TRHDE: variants seen among roughly 807,000 people sequenced by gnomAD.
TRHDE encodes thyrotropin-releasing hormone-degrading ectoenzyme.
In TRHDE, 72 loss-of-function variants were observed where a neutral mutation model predicts 125.7. That is an observed-to-expected ratio of 0.57 (90% confidence interval 0.47 to 0.70). The LOEUF is 0.70. Ranked by LOEUF, TRHDE falls within the 30% of genes least tolerant of loss-of-function variation. TRHDE has a pLI of 0.00. For missense variants in TRHDE, 1,110 were observed against 1,327.1 expected (o/e 0.84, Z 2.54); for synonymous variants, 509 against 509.1 (o/e 1.00, Z 0.00).
chr12:72,609,821 G>T (rs1335729472), intron 12 of TRHDE, among the ~76,000 whole-genome samples: 2 of 152,114 alleles, frequency 1.3e-5, no homozygotes, highest in African/African-American at 4.8e-5. Flanking sequence ...ACTGATTTAT[G>T]GACCTTTAGG....
chr12:72,588,023 A>G (rs954939584), intron 12 of TRHDE, among the ~76,000 whole-genome samples: 4 of 152,166 alleles, frequency 2.6e-5, no homozygotes, highest in South Asian at 2.1e-4. Flanking sequence ...TAAATGAACT[A>G]TATGTTCCCC....
At chr12:72,621,458 C>G in intron 14 of TRHDE, 186 bp from the exon 15 acceptor site, 2 of 591,586 alleles carry the variant, frequency 3.4e-6, no homozygotes, top group Non-Finnish European at 5.9e-6. Flanking sequence ...ACCCATGCCT[C>G]TCACTGGAGT....
chr12:72,515,592 T>C (rs1017367147), intron 6 of TRHDE, among the ~76,000 whole-genome samples: 29 of 152,220 alleles, frequency 1.9e-4, no homozygotes, highest in African/African-American at 7.0e-4. Flanking sequence ...TTGTAGGTTG[T>C]CTGTTCACTC....
At chr12:72,539,643 A>C (rs1869045389) in intron 6 of TRHDE, among the ~76,000 whole-genome samples, 1 of 151,920 alleles carries the variant, frequency 6.6e-6, no homozygotes, top group East Asian at 1.9e-4. Flanking sequence ...AAGAAAATTT[A>C]GGTGGGAACT....
chr12:72,475,558 T>C (rs1318019290), intron 5 of TRHDE, among the ~76,000 whole-genome samples: 1 of 152,212 alleles, frequency 6.6e-6, no homozygotes, highest in Non-Finnish European at 1.5e-5. Flanking sequence ...TGAATGACTT[T>C]TCATATTTCT....
At chr12:72,228,400 G>T (rs2948460) in intron 2 of TRHDE, among the ~76,000 whole-genome samples, 42,933 of 152,006 alleles carry the variant, frequency 0.28, 6,504 homozygotes, top group African/African-American at 0.36. Flanking sequence ...TAGCCATGGC[G>T]TGAATGCAGG....
intron 2 of TRHDE, among the ~76,000 whole-genome samples, chr12:72,125,171 T>A (rs1201413655): frequency 1.3e-5 from 2 of 151,994 alleles, no homozygotes; most frequent in African/African-American, 4.8e-5. Flanking sequence ...TAAGATTACT[T>A]TATCATCATA....
At chr12:72,331,932 A>G (rs1869616991) in intron 2 of TRHDE, among the ~76,000 whole-genome samples, 1 of 152,202 alleles carries the variant, frequency 6.6e-6, no homozygotes, top group Non-Finnish European at 1.5e-5. Context: ...TTGAGTTGCT[A>G]TAAAGACATA....
intron 2 of TRHDE, among the ~76,000 whole-genome samples, chr12:72,249,393 A>G (rs1878636127): frequency 6.6e-6 from 1 of 152,192 alleles, no homozygotes; most frequent in African/African-American, 2.4e-5. Flanking sequence ...ACTTCACAAA[A>G]GAAAATATAT....
chr12:72,108,072 C>A (rs2139293280), intron 2 of TRHDE, among the ~76,000 whole-genome samples: 1 of 152,106 alleles, frequency 6.6e-6, no homozygotes, highest in Admixed American at 6.6e-5. Flanking sequence ...CTAGGGACAG[C>A]CAGGAGAAGG....
At position 72,454,818 on chromosome 12, in the gene TRHDE, A is replaced by G. The variant is rs533226576; in HGVS notation, c.1316-14940A>G. 4.7e-3 allele frequency among the ~76,000 whole-genome samples: 721 copies of G among 152,264 alleles called. 4 individuals carry two copies. The highest frequency in any genetic ancestry group is 8.1e-3 in the Non-Finnish European group (550 of 68,006). ...TGATGCCAGTGCTGTTGATTCATGA[A>G]CCACACCTTGGAGTAACAAGGCTAG... On this transcript the variant is annotated intron_variant, in intron 3 of 18. Coordinates refer to ENST00000261180, the MANE Select transcript of TRHDE (RefSeq NM_013381.3).
intron 1 of TRHDE, among the ~76,000 whole-genome samples, chr12:72,285,960 G>T (rs1236842682): frequency 6.6e-6 from 1 of 152,176 alleles, no homozygotes; most frequent in Non-Finnish European, 1.5e-5. Flanking sequence ...CTCCAAGAAA[G>T]GTTGAAGATG....
rs1876634604 is a variant in TRHDE at position 72,161,426 on chromosome 12, C to T, written n.279+55674C>T. Among the ~76,000 whole-genome samples, 3 of 140,992 alleles carry T rather than the reference C, an allele frequency of 2.1e-5. 1 individual carries two copies. Among genetic ancestry groups the T allele is most frequent in the South Asian group, 4.6e-4 (2 of 4,370 alleles). 92.5% of individuals were successfully genotyped at this position (140,992 alleles called of 152,430 possible). The stretch of plus-strand genomic sequence containing the variant: ...CCAGCCTGGCGACAGAGCGAGACTC[C>T]GTCTCAAAAAAAAAAAAAAAAAAAT... On this transcript the variant is annotated intron_variant and non_coding_transcript_variant, in intron 2 of 4. Coordinates refer to the TRHDE transcript ENST00000548156.
At position 72,272,910 on chromosome 12, in the gene TRHDE, C is replaced by T; in HGVS notation, c.267C>T (p.Phe89=). 4 of 1,578,842 alleles carry T rather than the reference C, an allele frequency of 2.5e-6. No individual in the cohort carries two copies. Among genetic ancestry groups the T allele is most frequent in the Non-Finnish European group, 3.4e-6 (4 of 1,170,534 alleles). ...IAVHKRLVLA[F]AVSLVALLAV... ...TACACAAGCGGCTTGTGCTGGCCTT[C>T]GCTGTGTCCCTCGTGGCATTGCTCG... The change falls in exon 1 of 19, where the codon TTC becomes TTT. Residue 89 remains phenylalanine, a synonymous_variant. Coordinates refer to ENST00000261180, the MANE Select transcript of TRHDE (RefSeq NM_013381.3). This position sits in a 1 kb window ranked among gnomAD's most constrained non-coding sequence, Gnocchi z 6.7.
chr12:72,258,973 CA>C (rs1028468181), intron 2 of TRHDE, among the ~76,000 whole-genome samples: 4 of 152,164 alleles, frequency 2.6e-5, no homozygotes, highest in Non-Finnish European at 4.4e-5. Flanking sequence ...ATCACTTCAT[CA>C]GATAGTGTCT....
chr12:72,377,457 G>A (rs2135774469), intron 2 of TRHDE, among the ~76,000 whole-genome samples: 1 of 152,126 alleles, frequency 6.6e-6, no homozygotes, highest in African/African-American at 2.4e-5. Context: ...GTGATTGCTT[G>A]TGTACATGAA....
intron 3 of TRHDE, among the ~76,000 whole-genome samples, chr12:72,398,483 T>G (rs1390446596): frequency 6.6e-6 from 1 of 152,176 alleles, no homozygotes; most frequent in Non-Finnish European, 1.5e-5. Flanking sequence ...CAGTGTCTAT[T>G]TATTCAATTG....
intron 3 of TRHDE, among the ~76,000 whole-genome samples, chr12:72,412,595 A>G (rs1002182211): frequency 6.6e-6 from 1 of 152,078 alleles, no homozygotes; most frequent in Non-Finnish European, 1.5e-5. Flanking sequence ...GTACCTCTTC[A>G]AGGTATGTGG....
chr12:72,172,151 A>G (rs979436875), intron 2 of TRHDE, among the ~76,000 whole-genome samples: 1 of 152,192 alleles, frequency 6.6e-6, no homozygotes, highest in African/African-American at 2.4e-5. Context: ...TCTCTTATAC[A>G]TAGAAAGCTA....
Sources: gnomAD v4.1 joint callset for allele counts (sites outside exome capture counted in the v4.1 genomes callset) on GRCh38, gnomAD v4.1.1 for gene constraint, Gnocchi (gnomAD v3.1) non-coding constraint, MANE v1.5 for transcripts, NCBI Gene and HGNC (gene_info 2026-07-23, HGNC 2026-07-21) for gene names.